The following GRIA3 variants were observed in gnomAD, a reference collection of about 807,000 sequenced individuals.
GRIA3 encodes glutamate receptor 3.
GRIA3 carries 3 observed loss-of-function variants against 63.0 expected under a neutral mutation model. The ratio of observed to expected loss-of-function variants is 0.05; its 90% CI spans 0.02 to 0.12. The LOEUF (loss-of-function observed/expected upper bound fraction) is 0.12, where lower values mean the gene tolerates loss of function less well. GRIA3 is among the 10% of genes least tolerant of loss of function. GRIA3 has a pLI of 1.00. For missense variants in GRIA3, 347 were observed against 700.9 expected, an observed-to-expected ratio of 0.50 and a Z score of 5.70; for synonymous variants, 274 against 257.9, an observed-to-expected ratio of 1.06 and a Z score of -0.60.
chrX:123,249,235 T>A (rs1482026865), intron 2 of GRIA3, among the ~76,000 whole-genome samples: 1 of 112,381 alleles, frequency 8.9e-6, no homozygotes, highest in Non-Finnish European at 1.9e-5. Flanking sequence ...TCAGAAGAGC[T>A]CCACTGTCTC....
chrX:123,199,439 T>G (rs758690288), intron 2 of GRIA3, among the ~76,000 whole-genome samples: 114 of 110,394 alleles, frequency 1.0e-3, no homozygotes, highest in African/African-American at 3.3e-3. Flanking sequence ...CTCTTCTCAT[T>G]TCCTATTCAA....
chrX:123,402,387 G>A (rs866010356), intron 7 of GRIA3, among the ~76,000 whole-genome samples: 1 of 61,603 alleles, frequency 1.6e-5, no homozygotes, highest in African/African-American at 6.4e-5. Context: ...ACGTTTATAT[G>A]TGTGTGTGTA....
At chrX:123,473,283 T>C (rs759333611) in intron 13 of GRIA3, among the ~76,000 whole-genome samples, 1 of 112,771 alleles carries the variant, frequency 8.9e-6, no homozygotes, top group South Asian at 3.7e-4. Flanking sequence ...TGAACTGCCA[T>C]GGCCTTAAAC....
At chrX:123,376,577 A>G (rs2045285888) in intron 5 of GRIA3, among the ~76,000 whole-genome samples, 1 of 112,594 alleles carries the variant, frequency 8.9e-6, no homozygotes, top group Non-Finnish European at 1.9e-5. Context: ...AAACTGGTGA[A>G]TGAGGAGTCA....
At chrX:123,314,199 G>A (rs778813613) in intron 3 of GRIA3, among the ~76,000 whole-genome samples, 10 of 111,959 alleles carry the variant, frequency 8.9e-5, no homozygotes, top group African/African-American at 2.3e-4. Flanking sequence ...TGGAAATTAC[G>A]GATTTCAAAG....
chrX:123,483,100 CT>C (rs1425445438), intron 15 of GRIA3, 54 bp downstream of exon 15: 6 of 932,230 alleles, frequency 6.4e-6, no homozygotes, highest in South Asian at 4.4e-5. Flanking sequence ...ATGTCAATCT[CT>C]TTTTTTCTTC....
At chrX:123,350,566 AGGGCC>A (rs2045087404) in intron 4 of GRIA3, among the ~76,000 whole-genome samples, 2 of 112,461 alleles carry the variant, frequency 1.8e-5, no homozygotes, top group Non-Finnish European at 3.8e-5. Flanking sequence ...TGAAAAGGAA[AGGGCC>A]TCTTACATAG....
chrX:123,264,747 T>C (rs989223243), intron 3 of GRIA3, among the ~76,000 whole-genome samples: 1 of 112,059 alleles, frequency 8.9e-6, no homozygotes, highest in Non-Finnish European at 1.9e-5. Flanking sequence ...TTCTAGTCTT[T>C]ATAGGCCAAG....
At position 123,302,099 on chromosome X, in the gene GRIA3, T is replaced by C. The variant is rs149575090; in HGVS notation, c.509-23927T>C. 2.7e-3 allele frequency among the ~76,000 whole-genome samples: 304 copies of C among 112,181 alleles called. 3 individuals are homozygous for C. The highest frequency in any genetic ancestry group is 9.6e-3 in the African/African-American group (297 of 30,993). On this transcript the variant is annotated intron_variant, in intron 3 of 15. Coordinates refer to ENST00000620443, the MANE Select transcript of GRIA3 (RefSeq NM_007325.5). The stretch of plus-strand genomic sequence containing the variant: ...CCTGGTATTTAAGAAATGGTGTTTC[T>C]GTGCAAAGCACACCTTTAAAAGACA...
intron 2 of GRIA3, among the ~76,000 whole-genome samples, chrX:123,189,534 T>C (rs1344250324): frequency 8.9e-6 from 1 of 112,282 alleles, no homozygotes; most frequent in African/African-American, 3.2e-5. Flanking sequence ...CTCTGCAGTG[T>C]CAGCTCATTA....
Position 123,394,954 on chromosome X carries a change from CA to C in GRIA3, c.751-12del. 8.7e-7 allele frequency: 1 copy of C among 1,148,625 alleles called. No homozygotes were observed. Among genetic ancestry groups the C allele is most frequent in the East Asian group, 3.0e-5 (1 of 33,576 alleles). The allele number at this position is 1,148,625 out of a possible 1,213,427, so 94.7% of individuals were successfully genotyped here. A position where few individuals can be genotyped will look rare whatever the true frequency, so the allele number is the denominator to read the frequency against. ...CAACTTCCCACAATCATGATCCTTTCAATGTCTTTCCAGGGTTTTACTGATA... is the reference window on the plus strand; with the variant it reads ...CAACTTCCCACAATCATGATCCTTTCATGTCTTTCCAGGGTTTTACTGATA... On this transcript the variant is annotated splice_polypyrimidine_tract_variant and intron_variant, in intron 5 of 15. Transcript: ENST00000620443.
chrX:123,202,631 C>A (rs751327893), intron 2 of GRIA3: 4 of 1,164,109 alleles, frequency 3.4e-6, no homozygotes, highest in African/African-American at 3.6e-5. Flanking sequence ...TTGTCACCCC[C>A]ACAGGTCCTG....
intron 5 of GRIA3, among the ~76,000 whole-genome samples, chrX:123,388,402 C>T (rs2045365632): frequency 9.0e-6 from 1 of 110,975 alleles, no homozygotes; most frequent in African/African-American, 3.3e-5. Context: ...TGTGCCACCA[C>T]ACCCAGCTAA....
At chrX:123,251,682 C>T (rs1405456453) in intron 2 of GRIA3, among the ~76,000 whole-genome samples, 1 of 111,662 alleles carries the variant, frequency 9.0e-6, no homozygotes, top group African/African-American at 3.3e-5. Context: ...GATCTGCCTG[C>T]CTTGGCCTCC....
chrX:123,467,054 T>C (rs1234222232), intron 13 of GRIA3, among the ~76,000 whole-genome samples: 1 of 112,933 alleles, frequency 8.9e-6, no homozygotes, highest in Non-Finnish European at 1.9e-5. Flanking sequence ...CGTAAAACCT[T>C]GATTAACCAG....
intron 3 of GRIA3, among the ~76,000 whole-genome samples, chrX:123,285,301 A>C (rs769449912): frequency 9.0e-6 from 1 of 110,823 alleles, no homozygotes; most frequent in South Asian, 3.9e-4. Context: ...AAAAACATAT[A>C]AATTGTAAAG....
intron 12 of GRIA3, among the ~76,000 whole-genome samples, chrX:123,452,301 T>C (rs2045736934): frequency 9.1e-6 from 1 of 110,015 alleles, no homozygotes; most frequent in South Asian, 3.9e-4. Flanking sequence ...AAGCTGGCTT[T>C]AACAGAACTT....
intron 12 of GRIA3, among the ~76,000 whole-genome samples, chrX:123,451,514 A>T (rs1212164075): frequency 4.3e-5 from 4 of 92,710 alleles, no homozygotes; most frequent in African/African-American, 1.9e-4. Flanking sequence ...CTAAAAAAAA[A>T]AAAAAAAAAA....
intron 5 of GRIA3, among the ~76,000 whole-genome samples, chrX:123,367,741 GGAT>G (rs1434265957): frequency 5.4e-5 from 6 of 111,076 alleles, no homozygotes; most frequent in East Asian, 2.8e-4. Flanking sequence ...CCAGCCTTCT[GGAT>G]GTTGTTTGTT....
Sources: gnomAD v4.1 joint callset for allele counts (sites outside exome capture counted in the v4.1 genomes callset) on GRCh38, gnomAD v4.1.1 for gene constraint, MANE v1.5 for transcripts, NCBI Gene and HGNC (gene_info 2026-07-23, HGNC 2026-07-21) for gene names.